SPAG16: variants seen among roughly 807,000 people sequenced by gnomAD.
SPAG16 encodes the protein sperm associated antigen 16.
In SPAG16, 86 loss-of-function variants were observed where a neutral mutation model predicts 80.4. The ratio of observed to expected loss-of-function variants is 1.07; its 90% confidence interval spans 0.90 to 1.28. The LOEUF is 1.28. Among genes scored for constraint, SPAG16 ranks in the 50% most tolerant of loss-of-function variants. The probability of loss-of-function intolerance (pLI) is 0.00; values close to 1 mark genes in which losing one functional copy is unlikely to be tolerated. For synonymous variants in SPAG16, 294 were observed against 265.9 expected (o/e 1.11, Z -1.03); for missense variants, 870 against 765.3 (o/e 1.14, Z -1.61).
intron 13 of SPAG16, among the ~76,000 whole-genome samples, chr2:214,047,169 A>C (rs1302296541): frequency 2.0e-5 from 3 of 152,190 alleles, no homozygotes; most frequent in Non-Finnish European, 4.4e-5. Flanking sequence ...TTCTTCACAG[A>C]AATAGAAAAA....
intron 15 of SPAG16, among the ~76,000 whole-genome samples, chr2:214,274,184 A>G (rs142825296): frequency 0.012 from 1,874 of 152,318 alleles, 13 homozygotes; most frequent in Middle Eastern, 0.041. Flanking sequence ...TCTCAGCTTA[A>G]GGAGATTTTG....
Position 213,963,183 on chromosome 2 carries a change from T to C in SPAG16, c.1400+33038T>C, listed in dbSNP as rs6757130. Among the ~76,000 whole-genome samples, 232 of 152,132 alleles carry C rather than the reference T, an allele frequency of 1.5e-3. 1 individual carries two copies. The highest frequency in any genetic ancestry group is 2.5e-3 in the Non-Finnish European group (172 of 67,966). On this transcript the variant is annotated intron_variant, in intron 12 of 15. Transcript: ENST00000331683. Reference sequence around the variant, plus strand: ...AAAATAAGCACCAACATTCATAAACTTCTATCTGAGCACTACTTTAGCTGC... The same window carrying C: ...AAAATAAGCACCAACATTCATAAACCTCTATCTGAGCACTACTTTAGCTGC...
intron 15 of SPAG16, among the ~76,000 whole-genome samples, chr2:214,234,309 T>A (rs574233286): frequency 6.6e-5 from 10 of 152,312 alleles, no homozygotes; most frequent in Non-Finnish European, 1.5e-4. Context: ...TTAGGTTGAT[T>A]CCATGTCTTT....
intron 15 of SPAG16, among the ~76,000 whole-genome samples, chr2:214,243,275 T>C (rs1034682148): frequency 1.3e-5 from 2 of 152,128 alleles, no homozygotes; most frequent in African/African-American, 4.8e-5. Flanking sequence ...GAACTTACCA[T>C]CTTTTCAGTG....
chr2:213,936,831 A>G (rs896340477), intron 12 of SPAG16, among the ~76,000 whole-genome samples: 1 of 152,194 alleles, frequency 6.6e-6, no homozygotes, highest in Non-Finnish European at 1.5e-5. Flanking sequence ...AGAAAATGGA[A>G]TGTTTCCCTT....
chr2:214,280,716 C>T, intron 15 of SPAG16: 1 of 368,052 alleles, frequency 2.7e-6, no homozygotes, highest in Admixed American at 3.0e-5. Flanking sequence ...GAGCAAGGGA[C>T]ATTTTGGGAT....
At chr2:214,026,177 A>T (rs927592984) in intron 13 of SPAG16, among the ~76,000 whole-genome samples, 5 of 151,568 alleles carry the variant, frequency 3.3e-5, no homozygotes, top group Admixed American at 6.6e-5. Flanking sequence ...TACTGTTAGC[A>T]TCTTCTTATA....
At chr2:214,093,229 G>A (rs1039966779) in intron 13 of SPAG16, among the ~76,000 whole-genome samples, 1 of 151,878 alleles carries the variant, frequency 6.6e-6, no homozygotes, top group African/African-American at 2.4e-5. Context: ...TAAATTATAT[G>A]TTTTGGAATA....
At chr2:214,260,269 A>C (rs1005486191) in intron 15 of SPAG16, among the ~76,000 whole-genome samples, 2 of 152,276 alleles carry the variant, frequency 1.3e-5, no homozygotes, top group Non-Finnish European at 2.9e-5. Context: ...TCACTAAATA[A>C]CTTATCCAGG....
At chr2:213,962,145 G>A (rs917238687) in intron 12 of SPAG16, among the ~76,000 whole-genome samples, 2 of 151,682 alleles carry the variant, frequency 1.3e-5, no homozygotes, top group South Asian at 2.1e-4. Flanking sequence ...CGGTAATTAT[G>A]GTTAAATAAG....
At chr2:213,296,151 G>C (rs749307841) in intron 2 of SPAG16, 41 bp downstream of exon 2, 7 of 1,372,644 alleles carry the variant, frequency 5.1e-6, no homozygotes, top group Non-Finnish European at 7.2e-6. Flanking sequence ...TAAATTTATT[G>C]CAGTCATTCT....
chr2:213,312,063 T>C (rs1280834077), intron 4 of SPAG16, among the ~76,000 whole-genome samples: 1 of 151,706 alleles, frequency 6.6e-6, no homozygotes, highest in African/African-American at 2.4e-5. Flanking sequence ...TAAAATCTTA[T>C]TGGAACACAG....
At chr2:213,903,308 C>T (rs887673264) in intron 11 of SPAG16, among the ~76,000 whole-genome samples, 3 of 152,236 alleles carry the variant, frequency 2.0e-5, no homozygotes, top group Non-Finnish European at 4.4e-5. Flanking sequence ...CTGCAGCAAA[C>T]TTCTGCCTGG....
intron 10 of SPAG16, among the ~76,000 whole-genome samples, chr2:213,808,444 C>T (rs565276776): frequency 4.6e-5 from 7 of 151,988 alleles, no homozygotes; most frequent in Admixed American, 1.3e-4. Context: ...TTATCAGAGA[C>T]CGGGGGTATA....
chr2:214,088,713 A>G (rs2125301780), intron 13 of SPAG16, among the ~76,000 whole-genome samples: 1 of 152,186 alleles, frequency 6.6e-6, no homozygotes, highest in East Asian at 1.9e-4. Flanking sequence ...AAAAATTGAA[A>G]CAGCTGAAAA....
chr2:213,869,265 A>AAAAAAAAAAAAAAAAAATATATATACG (rs1491244962), intron 11 of SPAG16, among the ~76,000 whole-genome samples: 3 of 24,806 alleles, frequency 1.2e-4, no homozygotes, highest in Non-Finnish European at 8.4e-4. Context: ...AAAAAAAAAA[A>AAAAAAAAAAAAAAAAAATATATATACG]TATATATATA....
At chr2:214,058,871 T>C (rs1417050210) in intron 13 of SPAG16, among the ~76,000 whole-genome samples, 1 of 152,114 alleles carries the variant, frequency 6.6e-6, no homozygotes, top group East Asian at 1.9e-4. Context: ...GTATTAAATG[T>C]ATAACACAAG....
chr2:213,507,109 A>C (rs1243681190), intron 10 of SPAG16, among the ~76,000 whole-genome samples: 2 of 152,228 alleles, frequency 1.3e-5, no homozygotes, highest in African/African-American at 4.8e-5. Context: ...CCACTGTATC[A>C]AGAAAGCTAT....
chr2:213,455,477 G>A (rs1449262602), intron 9 of SPAG16, among the ~76,000 whole-genome samples: 1 of 152,072 alleles, frequency 6.6e-6, no homozygotes, highest in Admixed American at 6.6e-5. Context: ...ACCTCAAGGC[G>A]GTTTGTCAAC....
Sources: gnomAD v4.1 joint callset for allele counts (sites outside exome capture counted in the v4.1 genomes callset) on GRCh38, gnomAD v4.1.1 for gene constraint, MANE v1.5 for transcripts, NCBI Gene and HGNC (gene_info 2026-07-23, HGNC 2026-07-21) for gene names.